PAX2: variants seen among roughly 807,000 people sequenced by gnomAD.
PAX2 encodes the protein paired box 2.
In PAX2, 9 loss-of-function variants were observed where a neutral mutation model predicts 41.7. The ratio of observed to expected loss-of-function variants is 0.22; its 90% CI spans 0.13 to 0.38. The LOEUF (loss-of-function observed/expected upper bound fraction) is 0.38, where lower values mean the gene tolerates loss of function less well. Ranked by LOEUF, PAX2 falls within the 10% of genes least tolerant of loss-of-function variation. The pLI is 1.00. For missense variants in PAX2, 418 were observed against 531.6 expected (o/e 0.79, Z 2.10); for synonymous variants, 221 against 212.7 (o/e 1.04, Z -0.34).
At chr10:100,819,983 G>A (rs1253319668) in intron 7 of PAX2, among the ~76,000 whole-genome samples, 1 of 152,218 alleles carries the variant, frequency 6.6e-6, no homozygotes, top group Admixed American at 6.5e-5. Context: ...TTCTGCAGTT[G>A]AACTGAGAAG....
chr10:100,804,071 C>T (rs1449924244), intron 5 of PAX2, among the ~76,000 whole-genome samples: 2 of 152,020 alleles, frequency 1.3e-5, no homozygotes, highest in Non-Finnish European at 2.9e-5. Flanking sequence ...TTCATTTCGC[C>T]GGCCTCTGCC....
upstream of PAX2, among the ~76,000 whole-genome samples, chr10:100,743,351 G>A (rs1046230020): frequency 6.6e-6 from 1 of 152,150 alleles, no homozygotes; most frequent in African/African-American, 2.4e-5. Context: ...CTTGTTGTGG[G>A]CACCCACATT....
intron 5 of PAX2, among the ~76,000 whole-genome samples, chr10:100,783,590 G>A (rs951907955): frequency 6.6e-6 from 1 of 150,990 alleles, no homozygotes. Flanking sequence ...GTGGTGGACA[G>A]TAAGGCTGAG....
At chr10:100,742,843 CTTTTTTTTTTTTTTTTTTTTTTTTT>C (rs61627823), upstream of PAX2, among the ~76,000 whole-genome samples, 14 of 41,258 alleles carry the variant, frequency 3.4e-4, no homozygotes, top group South Asian at 3.4e-3. Context: ...TTCTTTCTTC[CTTTTTTTTTTTTTTTTTTTTTTTTT>C]TTTTTTTTTT....
chr10:100,776,148 C>T (rs934877134), intron 3 of PAX2, among the ~76,000 whole-genome samples: 2 of 152,216 alleles, frequency 1.3e-5, no homozygotes, highest in Non-Finnish European at 2.9e-5. Context: ...CTTCCCTCCA[C>T]TTAGCTGCCC....
At chr10:100,809,334 G>T (rs147323056) in intron 7 of PAX2, 98 bp downstream of exon 7, 4 of 1,186,582 alleles carry the variant, frequency 3.4e-6, no homozygotes, top group South Asian at 1.2e-5. Context: ...GTCCCCCACC[G>T]TGATATTTAC....
chr10:100,800,148 G>A (rs992724851), intron 5 of PAX2, among the ~76,000 whole-genome samples: 5 of 152,048 alleles, frequency 3.3e-5, no homozygotes, highest in Non-Finnish European at 5.9e-5. Flanking sequence ...TGCTTCCTGG[G>A]ATTTGATGGG....
chr10:100,798,124 T>C (rs1402502115), intron 5 of PAX2, among the ~76,000 whole-genome samples: 1 of 147,728 alleles, frequency 6.8e-6, no homozygotes, highest in Non-Finnish European at 1.5e-5. Flanking sequence ...TTTTTTTTTT[T>C]TTTTAGACAG....
chr10:100,825,811 G>A (rs1452891875), intron 8 of PAX2, among the ~76,000 whole-genome samples: 2 of 152,154 alleles, frequency 1.3e-5, no homozygotes, highest in Non-Finnish European at 2.9e-5. Flanking sequence ...AAGGGAGTTA[G>A]AGGTGTGGGT....
At chr10:100,766,971 A>T (rs1846051333) in intron 3 of PAX2, among the ~76,000 whole-genome samples, 1 of 152,228 alleles carries the variant, frequency 6.6e-6, no homozygotes. Context: ...GCCACCAAAC[A>T]ATACTCAAAT....
chr10:100,804,886 C>G (rs987130723), intron 5 of PAX2, among the ~76,000 whole-genome samples: 3 of 152,150 alleles, frequency 2.0e-5, no homozygotes, highest in East Asian at 1.9e-4. Flanking sequence ...TTCATGGGAA[C>G]AAATACCATT....
At chr10:100,749,130 AAAAC>A (rs1042388987) in intron 1 of PAX2, 8 of 985,512 alleles carry the variant, frequency 8.1e-6, no homozygotes, top group Admixed American at 6.1e-5. Context: ...CTTCCCATCA[AAAAC>A]AAACAACACA....
At chr10:100,788,253 G>C (rs1589856783) in intron 5 of PAX2, among the ~76,000 whole-genome samples, 1 of 152,300 alleles carries the variant, frequency 6.6e-6, no homozygotes, top group South Asian at 2.1e-4. Flanking sequence ...CTCTGCTCCT[G>C]GCCGCCCGCG....
intron 3 of PAX2, among the ~76,000 whole-genome samples, chr10:100,771,674 G>A (rs1214569747): frequency 1.3e-5 from 2 of 152,166 alleles, no homozygotes; most frequent in Non-Finnish European, 1.5e-5. Flanking sequence ...AAAGTCTCCC[G>A]CTGTTAGTGT....
At chr10:100,753,879 T>C (rs1310432344) in intron 3 of PAX2, among the ~76,000 whole-genome samples, 1 of 152,232 alleles carries the variant, frequency 6.6e-6, no homozygotes, top group Non-Finnish European at 1.5e-5. Context: ...GAAATGCCTC[T>C]CTGAACCAGA....
intron 7 of PAX2, among the ~76,000 whole-genome samples, chr10:100,815,877 T>C (rs1472124234): frequency 6.6e-6 from 1 of 152,206 alleles, no homozygotes; most frequent in Non-Finnish European, 1.5e-5. Context: ...GAGGGTGCCA[T>C]GGCAGAAGTA....
Position 100,811,963 on chromosome 10 carries a change from C to A in PAX2, c.919+2727C>A, listed in dbSNP as rs74462911. ...ATTGAGATTCCTGCCACCTCCTGGC[C>A]CTGGAGGCTGATTTCAAACTTCACC... On this transcript the variant is annotated intron_variant, in intron 7 of 9. Coordinates refer to ENST00000355243, the MANE Select transcript of PAX2 (RefSeq NM_000278.5). 6.4e-3 allele frequency among the ~76,000 whole-genome samples: 969 copies of A among 152,338 alleles called. 14 individuals carry two copies. The highest frequency in any genetic ancestry group is 0.022 in the African/African-American group (923 of 41,576).
intron 4 of PAX2, among the ~76,000 whole-genome samples, chr10:100,780,615 G>A (rs1846580267): frequency 1.3e-5 from 2 of 152,160 alleles, no homozygotes; most frequent in African/African-American, 4.8e-5. Flanking sequence ...GCCCTAAGGG[G>A]GAAATTAGGA....
chr10:100,756,467 C>A (rs1045978503), intron 3 of PAX2, among the ~76,000 whole-genome samples: 1 of 152,210 alleles, frequency 6.6e-6, no homozygotes, highest in Admixed American at 6.5e-5. Context: ...AACAACCATT[C>A]TGTTTCTCAC....
Sources: gnomAD v4.1 joint callset for allele counts (sites outside exome capture counted in the v4.1 genomes callset) on GRCh38, gnomAD v4.1.1 for gene constraint, MANE v1.5 for transcripts, NCBI Gene and HGNC (gene_info 2026-07-23, HGNC 2026-07-21) for gene names.